NPAS3: variants seen among roughly 807,000 people sequenced by gnomAD.
The protein encoded by NPAS3 is neuronal PAS domain protein 3, also known as neuronal PAS domain-containing protein 3.
NPAS3 carries 14 observed loss-of-function variants against 73.1 expected under a neutral mutation model. The observed-to-expected ratio is 0.19, with a 90% confidence interval of 0.13 to 0.30. The LOEUF (loss-of-function observed/expected upper bound fraction) is 0.30, where lower values mean the gene tolerates loss of function less well. Among genes scored for constraint, NPAS3 ranks in the 10% least tolerant of loss-of-function variants. The probability of loss-of-function intolerance (pLI) is 1.00; values close to 1 mark genes in which losing one functional copy is unlikely to be tolerated. For missense variants in NPAS3, 1,096 were observed against 1,250.0 expected (o/e 0.88, Z 1.86); for synonymous variants, 620 against 541.5 (o/e 1.14, Z -2.01).
chr14:33,425,110 G>A (rs1332889086), intron 4 of NPAS3, among the ~76,000 whole-genome samples: 1 of 151,932 alleles, frequency 6.6e-6, no homozygotes, highest in African/African-American at 2.4e-5. Context: ...CAAACACTGT[G>A]GAAAATCAAG....
At chr14:33,354,459 T>C (rs937430686) in intron 3 of NPAS3, among the ~76,000 whole-genome samples, 5 of 152,316 alleles carry the variant, frequency 3.3e-5, no homozygotes, top group African/African-American at 1.2e-4. Context: ...GGTTCCCCGC[T>C]TCTGCCTCTT....
chr14:33,594,213 T>C (rs2057163186), intron 5 of NPAS3, among the ~76,000 whole-genome samples: 1 of 152,202 alleles, frequency 6.6e-6, no homozygotes, highest in Admixed American at 6.5e-5. Context: ...TCTTCCTACA[T>C]ACTTTAAATC....
In NPAS3 at chr14:33,674,914, T is replaced by A. The variant is rs1389728293; in HGVS notation, c.559-1297T>A. On this transcript the variant is annotated intron_variant, in intron 5 of 11. Transcript: ENST00000356141. The stretch of plus-strand genomic sequence containing the variant: ...GGACTTGGAGTTCTGGGGACAAGAA[T>A]TGCTCTGAGTATTACAGTCTCTGTG... 2.0e-5 allele frequency among the ~76,000 whole-genome samples: 3 copies of A among 152,142 alleles called. No homozygotes were observed. In the East Asian group the frequency reaches 5.8e-4, roughly 29 times the overall value.
chr14:33,046,297 A>G (rs1275803013), intron 1 of NPAS3, among the ~76,000 whole-genome samples: 1 of 152,178 alleles, frequency 6.6e-6, no homozygotes, highest in Non-Finnish European at 1.5e-5. Context: ...GTGATGTGTG[A>G]AGCTGCAGAG....
At chr14:33,068,598 G>A (rs917173294) in intron 2 of NPAS3, among the ~76,000 whole-genome samples, 2 of 152,138 alleles carry the variant, frequency 1.3e-5, no homozygotes, top group African/African-American at 4.8e-5. Flanking sequence ...TAAAAATGAA[G>A]GAAATCATAT....
Position 33,154,093 on chromosome 14 carries a change from G to A in NPAS3, c.141-61089G>A, listed in dbSNP as rs115748696. 3.8e-3 allele frequency among the ~76,000 whole-genome samples: 581 copies of A among 152,252 alleles called. 1 individual carries two copies. The highest frequency in any genetic ancestry group is 0.013 in the African/African-American group (550 of 41,548). ...ATCTCTTTATGGAAAAATATAGGTAGAATTGGCCTTCTCTCTCCTCTTTTT... is the reference window on the plus strand; with the variant it reads ...ATCTCTTTATGGAAAAATATAGGTAAAATTGGCCTTCTCTCTCCTCTTTTT... On this transcript the variant is annotated intron_variant, in intron 2 of 11. Transcript: ENST00000356141.
chr14:33,083,798 C>A (rs1360234559), intron 2 of NPAS3, among the ~76,000 whole-genome samples: 1 of 152,106 alleles, frequency 6.6e-6, no homozygotes, highest in Admixed American at 6.5e-5. Context: ...ACCACTGGGA[C>A]CCCCAGAGGC....
intron 2 of NPAS3, among the ~76,000 whole-genome samples, chr14:33,148,666 G>A (rs891579991): frequency 6.6e-6 from 1 of 152,084 alleles, no homozygotes; most frequent in African/African-American, 2.4e-5. Context: ...TATGTGATTT[G>A]CATTATATTT....
chr14:33,128,210 G>A (rs1326204975), intron 2 of NPAS3, among the ~76,000 whole-genome samples: 1 of 152,040 alleles, frequency 6.6e-6, no homozygotes, highest in African/African-American at 2.4e-5. Context: ...AACAATGGAA[G>A]AACGAATAAA....
At chr14:33,605,410 A>C (rs1192979191) in intron 5 of NPAS3, among the ~76,000 whole-genome samples, 1 of 145,430 alleles carries the variant, frequency 6.9e-6, no homozygotes, top group Admixed American at 6.9e-5. Context: ...AAAAAAAAAA[A>C]CACAAACCTT....
At chr14:33,687,108 A>C (rs1289051357) in intron 6 of NPAS3, among the ~76,000 whole-genome samples, 1 of 152,208 alleles carries the variant, frequency 6.6e-6, no homozygotes, top group African/African-American at 2.4e-5. Flanking sequence ...AGACAGAAAT[A>C]TGCCTGTGGT....
chr14:33,706,711 A>G (rs542549260), intron 6 of NPAS3, among the ~76,000 whole-genome samples: 2 of 152,198 alleles, frequency 1.3e-5, no homozygotes, highest in African/African-American at 2.4e-5. Context: ...CAATAATCCT[A>G]GGAGCGCAGA....
chr14:33,045,576 T>C (rs1172136941), intron 1 of NPAS3, among the ~76,000 whole-genome samples: 3 of 152,202 alleles, frequency 2.0e-5, no homozygotes, highest in Non-Finnish European at 4.4e-5. Flanking sequence ...ATTGACATCT[T>C]GCATTGATGA....
intron 1 of NPAS3, among the ~76,000 whole-genome samples, chr14:32,952,372 G>A (rs1433424911): frequency 6.6e-6 from 1 of 152,036 alleles, no homozygotes; most frequent in East Asian, 1.9e-4. Flanking sequence ...ATTTTGGCTA[G>A]GTACTAGAAG....
At chr14:33,521,711 G>A (rs1360063373) in intron 4 of NPAS3, among the ~76,000 whole-genome samples, 1 of 152,022 alleles carries the variant, frequency 6.6e-6, no homozygotes, top group Non-Finnish European at 1.5e-5. Context: ...TCCCAACTGA[G>A]TTTCTTATTG....
intron 5 of NPAS3, among the ~76,000 whole-genome samples, chr14:33,609,165 G>GA (rs113559106): frequency 0.02 from 3,035 of 149,390 alleles, 98 homozygotes; most frequent in African/African-American, 0.063. Context: ...ATTATTTAAA[G>GA]AAAAAAAAAA....
intron 3 of NPAS3, among the ~76,000 whole-genome samples, chr14:33,350,625 G>A (rs1256162268): frequency 6.6e-6 from 1 of 152,232 alleles, no homozygotes; most frequent in Admixed American, 6.5e-5. Context: ...TTAGTTTCAT[G>A]TTACAACTAC....
chr14:32,978,555 T>C (rs1053511928), intron 1 of NPAS3, among the ~76,000 whole-genome samples: 2 of 152,046 alleles, frequency 1.3e-5, no homozygotes, highest in Non-Finnish European at 1.5e-5. Context: ...GCTAGGAAGC[T>C]AGGTGGAAGG....
intron 1 of NPAS3, among the ~76,000 whole-genome samples, chr14:33,015,111 T>C (rs17099916): frequency 0.12 from 17,582 of 152,250 alleles, 1,106 homozygotes; most frequent in East Asian, 0.23. Context: ...CTGTTAAATC[T>C]CTTTGAAGCC....
Sources: gnomAD v4.1 joint callset for allele counts (sites outside exome capture counted in the v4.1 genomes callset) on GRCh38, gnomAD v4.1.1 for gene constraint, MANE v1.5 for transcripts, NCBI Gene and HGNC (gene_info 2026-07-23, HGNC 2026-07-21) for gene names.